The following NBEAL1 variants were observed in gnomAD, a reference collection of about 807,000 sequenced individuals.
NBEAL1 encodes the protein neurobeachin like 1.
In NBEAL1, 273 loss-of-function variants were observed where a neutral mutation model predicts 351.3. That is an observed-to-expected ratio of 0.78 (90% CI 0.70 to 0.86). The LOEUF is 0.86. NBEAL1 is among the 40% of genes least tolerant of loss of function. NBEAL1 has a pLI of 0.00. For missense variants in NBEAL1, 2,961 were observed against 3,201.3 expected, an observed-to-expected ratio of 0.92 and a Z score of 1.81; for synonymous variants, 1,050 against 1,086.4, an observed-to-expected ratio of 0.97 and a Z score of 0.66.
Position 203,113,017 on chromosome 2 carries a change from C to T in NBEAL1, c.2205C>T (p.Pro735=). 2 of 1,444,770 alleles carry T rather than the reference C, an allele frequency of 1.4e-6. No homozygotes were observed. The highest frequency in any genetic ancestry group is 2.9e-5 in the Admixed American group (1 of 35,022). 89.5% of individuals were successfully genotyped at this position (1,444,770 alleles called of 1,614,324 possible). The change falls in exon 17 of 56, where the codon CCC becomes CCT. Residue 735 remains proline (P), a splice_region_variant and synonymous_variant. Coordinates refer to ENST00000683969, the MANE Select transcript of NBEAL1 (RefSeq NM_001378026.1). ...GTAATTTGTTTGTTTGTTTTTAGCCCTTTACTTCCTGTTGCATTGGTTCAG... is the reference window on the plus strand; with the variant it reads ...GTAATTTGTTTGTTTGTTTTTAGCCTTTTACTTCCTGTTGCATTGGTTCAG... ...APLRFPAMNE[P]FTSCCIGSAG...
At position 203,133,122 on chromosome 2, in the gene NBEAL1, T is replaced by C. The variant is rs1003250396; in HGVS notation, c.3789T>C (p.Asn1263=). 6.6e-7 allele frequency: 1 copy of C among 1,504,170 alleles called. No homozygotes were observed. Among genetic ancestry groups the C allele is most frequent in the Non-Finnish European group, 9.0e-7 (1 of 1,110,070 alleles). The allele number at this position is 1,504,170 out of a possible 1,614,324, so 93.2% of individuals were successfully genotyped here. A position where few individuals can be genotyped will look rare whatever the true frequency, so the allele number is the denominator to read the frequency against. ...VVYISHRAHI[N]VRVAICRKVL... ...ATATATCTCACAGAGCACATATAAA[T>C]GTTAGAGTGGCCATCTGCAGAAAGG... Residue 1263 remains asparagine (N), a synonymous_variant, in exon 27 of 56, where the codon AAT becomes AAC. Transcript: ENST00000683969.
intron 18 of NBEAL1, among the ~76,000 whole-genome samples, chr2:203,120,427 G>A (rs1426053084): frequency 6.6e-6 from 1 of 152,128 alleles, no homozygotes; most frequent in Non-Finnish European, 1.5e-5. Flanking sequence ...AATAGTGAGG[G>A]TACAAATGAG....
intron 2 of NBEAL1, chr2:203,040,334 C>A (rs1574882388): frequency 2.8e-6 from 2 of 724,954 alleles, no homozygotes; most frequent in East Asian, 2.4e-5. Context: ...GAAATGAGAC[C>A]TCATGCCTTG....
chr2:203,178,063 C>T (rs1478345718), intron 42 of NBEAL1, among the ~76,000 whole-genome samples: 1 of 151,062 alleles, frequency 6.6e-6, no homozygotes, highest in Middle Eastern at 3.2e-3. Flanking sequence ...GCTGTATAAC[C>T]TAGAAATTCC....
rs1010590970 is a variant in NBEAL1, at chr2:203,221,826, G to A, written c.*4472G>A. On this transcript the variant is annotated 3_prime_UTR_variant, in exon 56 of 56. Coordinates refer to ENST00000683969, the MANE Select transcript of NBEAL1 (RefSeq NM_001378026.1). ...GTGGTATTTTTCTTGATGACCTTAG[G>A]CAACAATATAGTGTTATCAGTCATC... 6.6e-6 allele frequency among the ~76,000 whole-genome samples: 1 copy of A among 152,080 alleles called. No homozygotes were observed. Among genetic ancestry groups the A allele is most frequent in the African/African-American group, 2.4e-5 (1 of 41,404 alleles).
Position 203,221,713 on chromosome 2 carries a change from T to C in NBEAL1, c.*4359T>C, listed in dbSNP as rs1050047526. ...ATATTCTTTTTGCTGAATTCGTATA[T>C]TGTATATGCTCAACATATTATTTGT... On this transcript the variant is annotated 3_prime_UTR_variant, in exon 56 of 56. Coordinates refer to ENST00000683969, the MANE Select transcript of NBEAL1 (RefSeq NM_001378026.1). Among the ~76,000 whole-genome samples, 8 of 152,334 alleles carry C rather than the reference T, an allele frequency of 5.3e-5. No homozygotes were observed. Among genetic ancestry groups the C allele is most frequent in the African/African-American group, 1.9e-4 (8 of 41,570 alleles).
At chr2:203,200,038 C>G (rs1169352750) in intron 49 of NBEAL1, among the ~76,000 whole-genome samples, 1 of 152,142 alleles carries the variant, frequency 6.6e-6, no homozygotes, top group Non-Finnish European at 1.5e-5. Context: ...TGGTGTTTCC[C>G]TTACACTGAA....
At chr2:203,119,789 G>T (rs537804548) in intron 18 of NBEAL1, among the ~76,000 whole-genome samples, 20 of 152,136 alleles carry the variant, frequency 1.3e-4, no homozygotes, top group Admixed American at 6.5e-4. Context: ...TGCTATAAAG[G>T]AACCAGTTTA....
chr2:203,043,237 A>T (rs2061171539), intron 3 of NBEAL1, among the ~76,000 whole-genome samples: 1 of 152,194 alleles, frequency 6.6e-6, no homozygotes, highest in South Asian at 2.1e-4. Context: ...ATTTATGGAA[A>T]AGTACTACTG....
intron 30 of NBEAL1, 120 bp from the exon 31 acceptor site, chr2:203,138,500 A>C: frequency 8.6e-7 from 1 of 1,156,718 alleles, no homozygotes; most frequent in Non-Finnish European, 1.2e-6. Context: ...GCTTTTGTCA[A>C]CTGAACATTG....
intron 47 of NBEAL1, among the ~76,000 whole-genome samples, chr2:203,194,514 T>TGAAC (rs1317541344): frequency 2.0e-5 from 3 of 152,208 alleles, no homozygotes; most frequent in African/African-American, 4.8e-5. Context: ...AAATATACAT[T>TGAAC]GAACAGTCTC....
chr2:203,093,049 A>AGT (rs1342568133), intron 10 of NBEAL1, among the ~76,000 whole-genome samples: 2 of 151,778 alleles, frequency 1.3e-5, no homozygotes, highest in South Asian at 2.1e-4. Flanking sequence ...TGGCTAACAC[A>AGT]GTGAAACCCC....
intron 54 of NBEAL1, 95 bp downstream of exon 54, chr2:203,211,201 G>A: frequency 1.1e-6 from 1 of 927,718 alleles, no homozygotes; most frequent in Non-Finnish European, 1.5e-6. Flanking sequence ...TTAATCTTTT[G>A]GTTTATCATT....
In NBEAL1 at chr2:203,144,661, AGGATGAAGCATGTTACATTTTAGGGAAG is replaced by A. The variant is rs758864104; in HGVS notation, c.4911_4938del (p.Gln1637HisfsTer6). 1.2e-6 allele frequency: 2 copies of A among 1,614,170 alleles called. No homozygotes were observed. The highest frequency in any genetic ancestry group is 1.7e-6 in the Non-Finnish European group (2 of 1,180,016). ...CTTCAGACCAAAGTGATTGAAAATC[AGGATGAAGCATGTTACATTTTAGGGAAG>A]CTGGAACATGTTCTAAGTCAATCAA... On this transcript the variant is annotated frameshift_variant, in exon 32 of 56. Coordinates refer to ENST00000683969, the MANE Select transcript of NBEAL1 (RefSeq NM_001378026.1). LOFTEE classifies it high-confidence loss of function.
At chr2:203,118,334 TTTAGAAA>T (rs1335355302) in intron 18 of NBEAL1, among the ~76,000 whole-genome samples, 1 of 152,218 alleles carries the variant, frequency 6.6e-6, no homozygotes. Context: ...TGTATAGCCT[TTTAGAAA>T]TGAATCCTGG....
chr2:203,050,064 C>A, intron 4 of NBEAL1, 89 bp downstream of exon 4: 1 of 1,219,408 alleles, frequency 8.2e-7, no homozygotes, highest in Non-Finnish European at 1.1e-6. Context: ...GAACATCACA[C>A]ACTGGGCCTA....
In NBEAL1 at chr2:203,037,239, G is replaced by A. The variant is rs1574877530; in HGVS notation, c.52-4526G>A. On this transcript the variant is annotated intron_variant, in intron 2 of 55. Transcript: ENST00000683969. ...ATTTGTAGTGTAATGCTTTTATTTC[G>A]GGGAAATAAGTTCCTTGAGTTTCCT... Among the ~76,000 whole-genome samples the A allele has an allele frequency of 2.0e-5, 3 of 148,762 alleles. 1 individual carries two copies. Among genetic ancestry groups the A allele is most frequent in the Non-Finnish European group, 4.5e-5 (3 of 66,394 alleles).
chr2:203,074,376 G>A (rs961106917), intron 7 of NBEAL1, among the ~76,000 whole-genome samples: 1 of 138,718 alleles, frequency 7.2e-6, no homozygotes, highest in African/African-American at 2.7e-5. Flanking sequence ...CCAGGCTGGA[G>A]TGGTGCAGTG....
chr2:203,126,074 T>C lies in NBEAL1; in HGVS notation c.2966T>C (p.Leu989Pro). ...ATTCACTCCCATGGAGTTGCAACTC[T>C]TGGTGCTTTACTTCAGAAGGTGAGC... ...NLIHSHGVATLGALLQKVPST... is the reference protein window; with the variant it reads ...NLIHSHGVATPGALLQKVPST... Residue 989 changes from leucine to proline, a missense_variant, in exon 21 of 56, where the codon CTT becomes CCT. Leu to Pro is a moderately conservative substitution (Grantham distance 98). Coordinates refer to ENST00000683969, the MANE Select transcript of NBEAL1 (RefSeq NM_001378026.1). 6.5e-7 allele frequency: 1 copy of C among 1,544,656 alleles called. No homozygotes were observed. The highest frequency in any genetic ancestry group is 2.5e-5 in the East Asian group (1 of 40,612).
Sources: gnomAD v4.1 joint callset for allele counts (sites outside exome capture counted in the v4.1 genomes callset) on GRCh38, gnomAD v4.1.1 for gene constraint, MANE v1.5 for transcripts, NCBI Gene and HGNC (gene_info 2026-07-23, HGNC 2026-07-21) for gene names.